The following PREPL variants were observed in gnomAD, a reference collection of about 807,000 sequenced individuals.
The protein encoded by PREPL is prolyl endopeptidase-like.
A neutral mutation model predicts 70.6 loss-of-function variants in PREPL; 77 were observed. The ratio of observed to expected loss-of-function variants is 1.09; its 90% CI spans 0.91 to 1.32. The LOEUF (loss-of-function observed/expected upper bound fraction) is 1.32. Among genes scored for constraint, PREPL ranks in the 40% most tolerant of loss-of-function variants. The pLI, the probability that PREPL is intolerant of heterozygous loss-of-function variation, is 0.00. For synonymous variants in PREPL, 315 were observed against 264.8 expected (o/e 1.19, Z -1.84); for missense variants, 1,002 against 778.2 (o/e 1.29, Z -3.42).
intron 11 of PREPL, 53 bp from the exon 12 acceptor site, chr2:44,322,907 C>T: frequency 6.3e-7 from 1 of 1,585,632 alleles, no homozygotes; most frequent in Non-Finnish European, 8.6e-7. Context: ...TGGTCCCTTG[C>T]CACTATAGAG....
At chr2:44,354,371 G>A (rs997429277) in intron 1 of PREPL, among the ~76,000 whole-genome samples, 1 of 152,070 alleles carries the variant, frequency 6.6e-6, no homozygotes, top group South Asian at 2.1e-4. Context: ...TAAAATTCTT[G>A]TCTTTAAGGA....
At chr2:44,330,190 A>G (rs751854992) in intron 8 of PREPL, among the ~76,000 whole-genome samples, 2 of 152,190 alleles carry the variant, frequency 1.3e-5, no homozygotes, top group Non-Finnish European at 2.9e-5. Flanking sequence ...CTCTTCCCCA[A>G]CTTCAATTAT....
At chr2:44,333,400 G>A (rs1674315755) in intron 7 of PREPL, among the ~76,000 whole-genome samples, 1 of 152,146 alleles carries the variant, frequency 6.6e-6, no homozygotes. Flanking sequence ...CAGGTTGACA[G>A]AGCGTTAGAA....
chr2:44,344,600 C>A lies in PREPL; in HGVS notation c.76-14G>T, dbSNP rs375202248. 1 of 1,572,458 alleles carries A rather than the reference C, an allele frequency of 6.4e-7. No individual in the cohort carries two copies. Among genetic ancestry groups the A allele is most frequent in the Non-Finnish European group, 8.6e-7 (1 of 1,156,438 alleles). On this transcript the variant is annotated splice_polypyrimidine_tract_variant and intron_variant, in intron 2 of 13. Transcript: ENST00000409411. ...ACCATGTTTAACCTGACAAAAGAAA[C>A]ATGCAGTTTACTTAATAATAATTTA...
intron 2 of PREPL, 56 bp downstream of exon 2, chr2:44,346,212 T>A: frequency 6.7e-7 from 1 of 1,489,112 alleles, no homozygotes; most frequent in South Asian, 1.2e-5. Flanking sequence ...AGTATCTCAT[T>A]TGCATCTTGA....
Position 44,338,406 on chromosome 2 carries a change from T to C in PREPL, c.833A>G (p.Asn278Ser), listed in dbSNP as rs371862757. The C allele has an allele frequency of 1.4e-4, 219 of 1,613,640 alleles. 2 individuals are homozygous for C. The highest frequency in any genetic ancestry group is 2.3e-4 in the Admixed American group (14 of 59,964). Residue 278 changes from asparagine (N) to serine (S), a missense_variant, in exon 7 of 14, where the codon AAT becomes AGT. Coordinates refer to ENST00000409411, the MANE Select transcript of PREPL (RefSeq NM_001171613.2). Reference sequence around the variant, plus strand: ...ACCAATCACATTAACATAAAGGAGATTGCTGTGCTTCAGAAATAGAACACA... The same window carrying C: ...ACCAATCACATTAACATAAAGGAGACTGCTGTGCTTCAGAAATAGAACACA... ...DHCVLFLKHS[N>S]LLYVNVIGLA... is the part of the protein sequence containing the mutation.
At chr2:44,359,682 A>G (rs910381129) in intron 1 of PREPL, 5 of 1,613,030 alleles carry the variant, frequency 3.1e-6, no homozygotes, top group Non-Finnish European at 4.2e-6. Context: ...CTATACTTCA[A>G]AGCTTGGAGA....
At chr2:44,358,412 AT>A (rs563107824) in intron 1 of PREPL, among the ~76,000 whole-genome samples, 13 of 152,336 alleles carry the variant, frequency 8.5e-5, no homozygotes, top group African/African-American at 1.2e-4. Flanking sequence ...AATAAAAAAA[AT>A]ATTAAAATCA....
intron 2 of PREPL, 106 bp downstream of exon 2, chr2:44,346,162 G>T: frequency 9.6e-7 from 1 of 1,041,938 alleles, no homozygotes; most frequent in Non-Finnish European, 1.4e-6. Flanking sequence ...AAGGCCAAAA[G>T]CAGTATAATC....
At position 44,329,039 on chromosome 2, in the gene PREPL, A is replaced by G. The variant is rs1334113566; in HGVS notation, c.1160T>C (p.Val387Ala). 1 of 1,613,312 alleles carries G rather than the reference A, an allele frequency of 6.2e-7. No homozygotes were observed. The highest frequency in any genetic ancestry group is 1.7e-5 in the Admixed American group (1 of 59,990). ...SEDLQKKPLLVHVYGAYGMDL... is the reference protein window; with the variant it reads ...SEDLQKKPLLAHVYGAYGMDL... ...CATTCCATAAGCTCCATATACATGT[A>G]CCAAGAGAGGTTTCTTCTGCAAGTC... The change falls in exon 9 of 14, where the codon GTA (valine) becomes GCA (alanine). Residue 387 changes from valine (V) to alanine (A), a missense_variant. Val to Ala is a moderately conservative substitution (Grantham distance 64). Transcript: ENST00000409411.
At position 44,318,899 on chromosome 2, in the gene PREPL, T is replaced by A. The variant is rs917909740; in HGVS notation, c.*2457A>T. 1.3e-5 allele frequency: 2 copies of A among 152,136 alleles called. No individual in the cohort carries two copies. Among genetic ancestry groups the A allele is most frequent in the Middle Eastern group, 3.2e-3 (1 of 316 alleles). 9.4% of individuals were successfully genotyped at this position (152,136 alleles called of 1,614,324 possible). ...CTACGCATCTAACAGCTTCAAAATATAGAAAATACTCAAATGCAAAATCAA... is the reference window on the plus strand; with the variant it reads ...CTACGCATCTAACAGCTTCAAAATAAAGAAAATACTCAAATGCAAAATCAA... On this transcript the variant is annotated 3_prime_UTR_variant, in exon 14 of 14. Transcript: ENST00000409411.
intron 1 of PREPL, among the ~76,000 whole-genome samples, chr2:44,353,155 T>C (rs574640714): frequency 6.6e-6 from 1 of 152,140 alleles, no homozygotes; most frequent in South Asian, 2.1e-4. Context: ...TACAAGATAT[T>C]AAAAAAGAAA....
chr2:44,324,503 T>C (rs1351646205), intron 10 of PREPL, among the ~76,000 whole-genome samples: 1 of 152,106 alleles, frequency 6.6e-6, no homozygotes, highest in Non-Finnish European at 1.5e-5. Flanking sequence ...AAACGCTAAG[T>C]AAAGAAACTC....
chr2:44,344,396 A>T (rs1372341742), intron 3 of PREPL, 124 bp downstream of exon 3: 1 of 709,974 alleles, frequency 1.4e-6, no homozygotes, highest in Non-Finnish European at 2.2e-6. Flanking sequence ...ACTAGTCATT[A>T]AAAAAAAATT....
At position 44,326,716 on chromosome 2, in the gene PREPL, A is replaced by T. The variant is rs1673539377; in HGVS notation, c.1475T>A (p.Leu492Ter). The stretch of plus-strand genomic sequence containing the variant: ...GTAGAGACAGAGCGTACTCACCTCC[A>T]AAGTCACCGCTCTCACCAGCTCTGG... ...SNPELVRAVT[L>*]EAPFLDVLNT... The change falls in exon 10 of 14, where the codon TTG becomes TAG. Residue 492 changes from leucine to a stop codon, truncating the protein, a stop_gained. Coordinates refer to ENST00000409411, the MANE Select transcript of PREPL (RefSeq NM_001171613.2). LOFTEE classifies it high-confidence loss of function. The T allele has an allele frequency of 1.2e-6, 2 of 1,612,912 alleles. No individual in the cohort carries two copies. Among genetic ancestry groups the T allele is most frequent in the African/African-American group, 1.3e-5 (1 of 74,840 alleles).
chr2:44,349,093 C>T (rs1297926091), intron 1 of PREPL, among the ~76,000 whole-genome samples: 1 of 152,058 alleles, frequency 6.6e-6, no homozygotes, highest in African/African-American at 2.4e-5. Context: ...CCCCAAGTGA[C>T]CCACCACTAA....
At chr2:44,360,861 T>C (rs751470122) in intron 1 of PREPL, among the ~76,000 whole-genome samples, 4 of 152,182 alleles carry the variant, frequency 2.6e-5, no homozygotes, top group Non-Finnish European at 4.4e-5. Context: ...ATTATGGAAG[T>C]CTTCCACAAA....
In PREPL at chr2:44,339,381, G is replaced by GAC. The variant is rs1202757774; in HGVS notation, c.486-20_486-19dup. Reference sequence around the variant, plus strand: ...CAAAGTAGCTAGAGAGAGAGAGAGAGACATGAGATCACAGTTTATTTCAGA... The same window carrying GAC: ...CAAAGTAGCTAGAGAGAGAGAGAGAGACACATGAGATCACAGTTTATTTCAGA... On this transcript the variant is annotated intron_variant, in intron 5 of 13. Transcript: ENST00000409411. 6.6e-7 allele frequency: 1 copy of GAC among 1,507,796 alleles called. No homozygotes were observed. The highest frequency in any genetic ancestry group is 1.4e-5 in the African/African-American group (1 of 72,284). The allele number at this position is 1,507,796 out of a possible 1,614,324, so 93.4% of individuals were successfully genotyped here.
At position 44,339,263 on chromosome 2, in the gene PREPL, G is replaced by A; in HGVS notation, c.586C>T (p.Pro196Ser). ...TGGATAAGTACTGGTGGGTCCCAAG[G>A]GCTCAGGCCATCTATCAACCACACT... is the stretch of plus-strand genomic sequence containing the variant. Reference protein sequence around the residue: ...SEVWLIDGLSPWDPPVLIQKR... With the variant: ...SEVWLIDGLSSWDPPVLIQKR... Residue 196 changes from proline to serine, a missense_variant, in exon 6 of 14, where the codon CCT becomes TCT. Coordinates refer to ENST00000409411, the MANE Select transcript of PREPL (RefSeq NM_001171613.2). The A allele has an allele frequency of 6.2e-7, 1 of 1,614,012 alleles. No homozygotes were observed. Among genetic ancestry groups the A allele is most frequent in the Non-Finnish European group, 8.5e-7 (1 of 1,180,014 alleles).
Sources: allele counts gnomAD v4.1 joint callset (sites outside exome capture counted in the v4.1 genomes callset), GRCh38; gene constraint gnomAD v4.1.1; transcripts MANE v1.5; gene names NCBI Gene and HGNC (gene_info 2026-07-23, HGNC 2026-07-21).